The following RNF144A variants were observed in gnomAD, a reference collection of about 807,000 sequenced individuals.
RNF144A encodes the protein E3 ubiquitin-protein ligase RNF144A.
A neutral mutation model predicts 38.7 loss-of-function variants in RNF144A; 11 were observed. The observed-to-expected ratio is 0.28, with a 90% CI of 0.18 to 0.47. RNF144A has a LOEUF of 0.47. Ranked by LOEUF, RNF144A falls within the 20% of genes least tolerant of loss-of-function variation. The pLI is 0.99. For missense variants in RNF144A, 316 were observed against 377.2 expected, an observed-to-expected ratio of 0.84 and a Z score of 1.34; for synonymous variants, 149 against 143.9, an observed-to-expected ratio of 1.04 and a Z score of -0.25.
chr2:7,029,081 C>T (rs150466327), intron 7 of RNF144A, among the ~76,000 whole-genome samples: 4 of 152,342 alleles, frequency 2.6e-5, no homozygotes, highest in Non-Finnish European at 5.9e-5. Flanking sequence ...GGCCATGACC[C>T]CTGACCTGCT....
Position 7,042,006 on chromosome 2 carries a change from G to A in RNF144A, c.*2246G>A, listed in dbSNP as rs558576908. 25 of 985,376 alleles carry A rather than the reference G, an allele frequency of 2.5e-5. No individual in the cohort carries two copies. The highest frequency in any genetic ancestry group is 1.0e-3 in the Middle Eastern group (2 of 1,916). 61.0% of individuals were successfully genotyped at this position (985,376 alleles called of 1,614,324 possible). The stretch of plus-strand genomic sequence containing the variant: ...AAGCACGTAGTTCAACCCAGATAGG[G>A]ACCACAGAGATTCTGGGGCCAGCCA... On this transcript the variant is annotated 3_prime_UTR_variant, in exon 9 of 9. Coordinates refer to ENST00000320892, the MANE Select transcript of RNF144A (RefSeq NM_014746.6).
At chr2:6,953,877 CAGTA>C (rs1186035776) in intron 2 of RNF144A, among the ~76,000 whole-genome samples, 3 of 152,164 alleles carry the variant, frequency 2.0e-5, no homozygotes, top group Non-Finnish European at 2.9e-5. Context: ...GCATTTTTCT[CAGTA>C]AGTATCATTT....
intron 6 of RNF144A, among the ~76,000 whole-genome samples, chr2:7,064,561 A>G (rs957831417): frequency 6.6e-6 from 1 of 152,186 alleles, no homozygotes; most frequent in Non-Finnish European, 1.5e-5. Flanking sequence ...TTTCTGTCTC[A>G]AGGCTTTCAG....
intron 1 of RNF144A, among the ~76,000 whole-genome samples, chr2:6,927,712 A>C (rs1465598620): frequency 2.0e-5 from 3 of 152,246 alleles, no homozygotes; most frequent in African/African-American, 7.2e-5. Context: ...AACAGAATGT[A>C]GAGTACCCAG....
chr2:6,962,862 C>T lies in RNF144A; in HGVS notation c.-12+21715C>T, dbSNP rs1007949881. Among the ~76,000 whole-genome samples, 10 of 152,132 alleles carry T rather than the reference C, an allele frequency of 6.6e-5. No homozygotes were observed. Among genetic ancestry groups the T allele is most frequent in the African/African-American group, 2.2e-4 (9 of 41,418 alleles). On this transcript the variant is annotated intron_variant, in intron 2 of 8. Coordinates refer to ENST00000320892, the MANE Select transcript of RNF144A (RefSeq NM_014746.6). This position sits in a 1 kb window ranked among gnomAD's most constrained non-coding sequence, Gnocchi z 4.1. Reference sequence around the variant, plus strand: ...GCCTTGCTGGTCTCCATGGTTTATGCCATCATGATGCCAGTGTTGAATTTG... The same window carrying T: ...GCCTTGCTGGTCTCCATGGTTTATGTCATCATGATGCCAGTGTTGAATTTG...
rs907008744 is a variant in RNF144A, at chr2:6,962,683, C to T, written c.-12+21536C>T. 1.3e-5 allele frequency among the ~76,000 whole-genome samples: 2 copies of T among 152,184 alleles called. No individual in the cohort carries two copies. Among genetic ancestry groups the T allele is most frequent in the Non-Finnish European group, 2.9e-5 (2 of 68,028 alleles). ...CACTTAGACAAGAAAATTAATAAAACATTAGTTCTTCCCCATTCTATTTTG... is the reference window on the plus strand; with the variant it reads ...CACTTAGACAAGAAAATTAATAAAATATTAGTTCTTCCCCATTCTATTTTG... On this transcript the variant is annotated intron_variant, in intron 2 of 8. Coordinates refer to ENST00000320892, the MANE Select transcript of RNF144A (RefSeq NM_014746.6). The surrounding 1 kb of genome is among the most constrained non-coding windows in gnomAD (Gnocchi z 4.1).
intron 2 of RNF144A, among the ~76,000 whole-genome samples, chr2:6,988,749 C>T (rs758473860): frequency 1.3e-5 from 2 of 152,076 alleles, no homozygotes; most frequent in African/African-American, 2.4e-5. Flanking sequence ...TCATTCTCTA[C>T]AGCCCACTTC....
At chr2:6,976,220 C>G (rs1668303985) in intron 2 of RNF144A, among the ~76,000 whole-genome samples, 1 of 152,158 alleles carries the variant, frequency 6.6e-6, no homozygotes, top group Non-Finnish European at 1.5e-5. Flanking sequence ...TGAACTCCAG[C>G]CAGTAAGGTG....
Position 6,996,902 on chromosome 2 carries a change from T to G in RNF144A, c.-11-14T>G. The G allele has an allele frequency of 6.2e-7, 1 of 1,610,576 alleles. No individual in the cohort carries two copies. Among genetic ancestry groups the G allele is most frequent in the Non-Finnish European group, 8.5e-7 (1 of 1,177,952 alleles). On this transcript the variant is annotated splice_polypyrimidine_tract_variant and intron_variant, in intron 2 of 8. Transcript: ENST00000320892. Reference sequence around the variant, plus strand: ...GGTGGGGAGGTCTGACCTTCCGTGCTTCTCTCGTTTCAGACTGTTCTGCGA... The same window carrying G: ...GGTGGGGAGGTCTGACCTTCCGTGCGTCTCTCGTTTCAGACTGTTCTGCGA...
At chr2:6,977,117 A>G (rs772142883) in intron 2 of RNF144A, among the ~76,000 whole-genome samples, 98 of 152,376 alleles carry the variant, frequency 6.4e-4, no homozygotes, top group Non-Finnish European at 1.2e-3. Flanking sequence ...GTATGTTACC[A>G]TTAGCCATGT....
intron 2 of RNF144A, among the ~76,000 whole-genome samples, chr2:6,963,304 G>A (rs970953132): frequency 6.6e-6 from 1 of 152,132 alleles, no homozygotes; most frequent in Non-Finnish European, 1.5e-5. Context: ...ATGATTTGGG[G>A]GGCATGAAAG....
chr2:7,064,776 A>G (rs375614649), intron 6 of RNF144A, among the ~76,000 whole-genome samples: 8 of 152,252 alleles, frequency 5.3e-5, no homozygotes, highest in East Asian at 1.9e-4. Context: ...GCCTTGACAC[A>G]TGAATAAACA....
chr2:6,993,143 T>G (rs936948616), intron 2 of RNF144A, among the ~76,000 whole-genome samples: 2 of 152,132 alleles, frequency 1.3e-5, no homozygotes, highest in African/African-American at 2.4e-5. Context: ...GACCCCTTTT[T>G]TTTCTGTAAA....
chr2:6,969,163 T>C (rs1667848927), intron 2 of RNF144A, among the ~76,000 whole-genome samples: 1 of 152,226 alleles, frequency 6.6e-6, no homozygotes, highest in Admixed American at 6.5e-5. Flanking sequence ...TATTTAATCC[T>C]CATTATTCTA....
At chr2:6,921,777 G>A (rs1178803055) in intron 1 of RNF144A, among the ~76,000 whole-genome samples, 2 of 152,242 alleles carry the variant, frequency 1.3e-5, no homozygotes, top group Admixed American at 1.3e-4. Context: ...GCCTGCTGGG[G>A]CGATGCTGTT....
chr2:6,997,828 T>G (rs1669857946), intron 3 of RNF144A, among the ~76,000 whole-genome samples: 1 of 152,198 alleles, frequency 6.6e-6, no homozygotes, highest in Admixed American at 6.5e-5. Flanking sequence ...GGTATGAAGT[T>G]GCAGTTATAC....
At chr2:6,963,649 T>C (rs1667479235) in intron 2 of RNF144A, among the ~76,000 whole-genome samples, 1 of 152,192 alleles carries the variant, frequency 6.6e-6, no homozygotes, top group Non-Finnish European at 1.5e-5. Flanking sequence ...CCTTTTCTCC[T>C]CCCTTCTTAT....
chr2:6,990,390 A>G (rs1622254), intron 2 of RNF144A, among the ~76,000 whole-genome samples: 302 of 19,488 alleles, frequency 0.015, 3 homozygotes, highest in African/African-American at 0.055. Context: ...ATATTTACAC[A>G]CACACACACA....
intron 1 of RNF144A, among the ~76,000 whole-genome samples, chr2:6,939,236 G>A (rs1050273823): frequency 6.6e-6 from 1 of 152,110 alleles, no homozygotes; most frequent in Non-Finnish European, 1.5e-5. Flanking sequence ...CCACATTCTT[G>A]TCTACACTTG....
Sources: allele counts gnomAD v4.1 joint callset (sites outside exome capture counted in the v4.1 genomes callset), GRCh38; gene constraint gnomAD v4.1.1; non-coding constraint Gnocchi (gnomAD v3.1); transcripts MANE v1.5; gene names NCBI Gene and HGNC (gene_info 2026-07-23, HGNC 2026-07-21).